The following RIOX2 variants were observed in gnomAD, a reference collection of about 807,000 sequenced individuals.
RIOX2 encodes the protein 60S ribosomal protein L27a histidine hydroxylase.
RIOX2 carries 43 observed loss-of-function variants against 51.2 expected under a neutral mutation model. The ratio of observed to expected loss-of-function variants is 0.84; its 90% CI spans 0.66 to 1.08. RIOX2 has a LOEUF of 1.08. Ranked by LOEUF, RIOX2 falls within the 50% of genes least tolerant of loss-of-function variation. The probability of loss-of-function intolerance (pLI) is 0.00; values close to 1 mark genes in which losing one functional copy is unlikely to be tolerated. For synonymous variants in RIOX2, 226 were observed against 218.5 expected (o/e 1.03, Z -0.30); for missense variants, 566 against 561.7 (o/e 1.01, Z -0.08).
chr3:97,946,623 C>CAT lies in RIOX2; in HGVS notation c.1149+736_1149+737dup, dbSNP rs576467903. ...ATATATATATCTATTCATGTATATT[C>CAT]ATATATATATTCCAACTCTGGCCCT... On this transcript the variant is annotated intron_variant, in intron 8 of 9. Transcript: ENST00000394198. Among the ~76,000 whole-genome samples, 90 of 106,348 alleles carry CAT rather than the reference C, an allele frequency of 8.5e-4. 1 individual carries two copies. In the East Asian group the frequency reaches 0.013, roughly 15 times the overall value. 69.8% of individuals were successfully genotyped at this position (106,348 alleles called of 152,430 possible). A position where few individuals can be genotyped will look rare whatever the true frequency, so the allele number is the denominator to read the frequency against.
chr3:97,965,728 T>C (rs1372885412), intron 2 of RIOX2, among the ~76,000 whole-genome samples: 2 of 152,188 alleles, frequency 1.3e-5, no homozygotes, highest in African/African-American at 4.8e-5. Context: ...AGTAGAGAAA[T>C]GACAGCCACA....
intron 8 of RIOX2, among the ~76,000 whole-genome samples, chr3:97,946,919 G>A (rs1055045360): frequency 2.6e-5 from 4 of 152,006 alleles, no homozygotes; most frequent in Non-Finnish European, 5.9e-5. Flanking sequence ...GGGAATCACT[G>A]GGCTAGGAAG....
intron 7 of RIOX2, among the ~76,000 whole-genome samples, chr3:97,948,002 A>G (rs1030783700): frequency 1.2e-4 from 19 of 152,132 alleles, no homozygotes; most frequent in African/African-American, 4.1e-4. Context: ...ACAATACCCA[A>G]TAAAAACAGA....
intron 2 of RIOX2, among the ~76,000 whole-genome samples, chr3:97,962,356 A>AC (rs10542689): frequency 4.3e-5 from 3 of 70,220 alleles, no homozygotes; most frequent in Admixed American, 2.1e-4. Context: ...GAATGCTAAG[A>AC]CCCCCCCCCC....
chr3:97,964,281 A>G (rs567891315), intron 2 of RIOX2, among the ~76,000 whole-genome samples: 1 of 152,344 alleles, frequency 6.6e-6, no homozygotes, highest in South Asian at 2.1e-4. Context: ...CTAAATTTCA[A>G]TACATCTTTC....
chr3:97,961,265 T>C (rs1705661331), intron 3 of RIOX2, among the ~76,000 whole-genome samples: 2 of 152,192 alleles, frequency 1.3e-5, no homozygotes, highest in Non-Finnish European at 2.9e-5. Flanking sequence ...TTAAAGACCA[T>C]ACTTTGTGAA....
chr3:97,967,534 C>T lies in RIOX2; in HGVS notation c.60G>A (p.Lys20=), dbSNP rs767412154. 3.7e-6 allele frequency: 6 copies of T among 1,613,622 alleles called. No individual in the cohort carries two copies. In the East Asian group the frequency reaches 1.3e-4, roughly 36 times the overall value. ...SGKEEGPAPC[K]QMKLEAAGGP... is the part of the protein sequence containing the mutation. ...CCCCAGCTGCTTCTAACTTCATCTG[C>T]TTACAGGGAGCCGGCCCCTCTTCCT... Residue 20 remains lysine (K), a synonymous_variant, in exon 2 of 10, where the codon AAG becomes AAA. Transcript: ENST00000394198.
intron 7 of RIOX2, 71 bp downstream of exon 7, chr3:97,949,773 A>G: frequency 2.9e-6 from 4 of 1,390,908 alleles, no homozygotes; most frequent in Non-Finnish European, 4.0e-6. Context: ...TTCAAAAAGG[A>G]GCCTACCCAG....
At chr3:97,946,602 A>ATATATATATATATATATATC (rs1028298878) in intron 8 of RIOX2, among the ~76,000 whole-genome samples, 7 of 137,336 alleles carry the variant, frequency 5.1e-5, no homozygotes, top group African/African-American at 1.6e-4. Flanking sequence ...ATATATATAT[A>ATATATATATATATATATATC]TATATCTATT....
intron 5 of RIOX2, 92 bp downstream of exon 5, chr3:97,954,300 G>C (rs1356356388): frequency 2.3e-6 from 2 of 880,786 alleles, no homozygotes; most frequent in African/African-American, 3.3e-5. Context: ...TAGGAGGTAG[G>C]GGCCAACTCC....
At chr3:97,945,427 ACAT>A in intron 9 of RIOX2, 85 bp from the exon 10 acceptor site, 4 of 1,243,476 alleles carry the variant, frequency 3.2e-6, no homozygotes, top group African/African-American at 1.5e-5. Context: ...TATTCTCCAT[ACAT>A]CATTATTTTT....
intron 2 of RIOX2, among the ~76,000 whole-genome samples, chr3:97,963,605 G>A (rs879572840): frequency 3.3e-5 from 5 of 152,178 alleles, no homozygotes; most frequent in Non-Finnish European, 5.9e-5. Context: ...TTTTTATATA[G>A]TAACTGGAAC....
At position 97,959,057 on chromosome 3, in the gene RIOX2, C is replaced by T. The variant is rs1705563954; in HGVS notation, c.675G>A (p.Met225Ile). ...CACAACGGTTATCACATACCTTCAGCATAAACTCATGCACCGGCCTGCCGA... is the reference window on the plus strand; with the variant it reads ...CACAACGGTTATCACATACCTTCAGTATAAACTCATGCACCGGCCTGCCGA... ...ERIGRPVHEFMLKPGDLLYFP... is the reference protein window; with the variant it reads ...ERIGRPVHEFILKPGDLLYFP... The change falls in exon 4 of 10, where the codon ATG becomes ATA. Residue 225 changes from methionine to isoleucine, a missense_variant. Physicochemically the swap from Met to Ile is conservative, Grantham distance 10 (BLOSUM62 1). Coordinates refer to ENST00000394198, the MANE Select transcript of RIOX2 (RefSeq NM_153182.4). 2 of 1,612,144 alleles carry T rather than the reference C, an allele frequency of 1.2e-6. No individual in the cohort carries two copies. Among genetic ancestry groups the T allele is most frequent in the East Asian group, 2.2e-5 (1 of 44,804 alleles).
intron 1 of RIOX2, among the ~76,000 whole-genome samples, chr3:97,968,994 T>C (rs887317363): frequency 6.6e-6 from 1 of 152,244 alleles, no homozygotes; most frequent in Non-Finnish European, 1.5e-5. Context: ...GTAAGCATCC[T>C]GGAACGATGT....
intron 3 of RIOX2, 22 bp from the exon 4 acceptor site, chr3:97,959,201 G>C: frequency 4.4e-6 from 7 of 1,604,446 alleles, no homozygotes; most frequent in Non-Finnish European, 6.0e-6. Flanking sequence ...CAAGGCCCAG[G>C]AGCATCAGAG....
chr3:97,948,854 A>G (rs1705113618), intron 7 of RIOX2, among the ~76,000 whole-genome samples: 1 of 151,388 alleles, frequency 6.6e-6, no homozygotes, highest in Non-Finnish European at 1.5e-5. Flanking sequence ...AATAAATCCA[A>G]TTTCGTCTGA....
In RIOX2 at chr3:97,949,914, C is replaced by T. The variant is rs1705179766; in HGVS notation, c.990G>A (p.Met330Ile). ...GTCTGTGCATAATAAAATCCTTCTT[C>T]ATGTCTGAGGAAAGCAGTTCTTTGG... ...EGTKELLSSD[M>I]KKDFIMHRLP... is the part of the protein sequence containing the mutation. The change falls in exon 7 of 10, where the codon ATG becomes ATA. Residue 330 changes from methionine (M) to isoleucine (I), a missense_variant. Coordinates refer to ENST00000394198, the MANE Select transcript of RIOX2 (RefSeq NM_153182.4). 5 of 1,613,982 alleles carry T rather than the reference C, an allele frequency of 3.1e-6. No homozygotes were observed. Among genetic ancestry groups the T allele is most frequent in the Non-Finnish European group, 3.4e-6 (4 of 1,179,958 alleles).
chr3:97,971,232 T>G (rs1317583364), intron 1 of RIOX2, among the ~76,000 whole-genome samples: 6 of 152,190 alleles, frequency 3.9e-5, no homozygotes, highest in African/African-American at 1.2e-4. Context: ...TTTTACAGAA[T>G]GTAGTTCAGA....
At chr3:97,960,024 C>T (rs1313287398) in intron 3 of RIOX2, among the ~76,000 whole-genome samples, 3 of 152,212 alleles carry the variant, frequency 2.0e-5, no homozygotes, top group African/African-American at 4.8e-5. Flanking sequence ...ATTATCTCCA[C>T]ATGAGCAGTT....
Sources: allele counts gnomAD v4.1 joint callset (sites outside exome capture counted in the v4.1 genomes callset), GRCh38; gene constraint gnomAD v4.1.1; transcripts MANE v1.5; gene names NCBI Gene and HGNC (gene_info 2026-07-23, HGNC 2026-07-21).